The following YIPF4 variants were observed in gnomAD, a reference collection of about 807,000 sequenced individuals.
YIPF4 encodes the protein protein YIPF4.
Under a neutral mutation model 29.4 loss-of-function variants are expected in YIPF4, and 18 were observed. That is an observed-to-expected ratio of 0.61 (90% CI 0.42 to 0.91). The LOEUF (loss-of-function observed/expected upper bound fraction) is 0.91, where lower values mean the gene tolerates loss of function less well. Among genes scored for constraint, YIPF4 ranks in the 40% least tolerant of loss-of-function variants. The pLI is 0.00. For missense variants in YIPF4, 279 were observed against 282.7 expected (o/e 0.99, Z 0.09); for synonymous variants, 115 against 104.7 (o/e 1.10, Z -0.60).
rs1359854928 is a variant in YIPF4, at chr2:32,316,057, A to G, written c.*10431A>G. ...AAAAAAAAACCAAAAAAAAAAAAAA[A>G]GTATAAAGCACAGAAGCGAAAGGAA... On this transcript the variant is annotated 3_prime_UTR_variant, in exon 6 of 6. Coordinates refer to ENST00000238831, the MANE Select transcript of YIPF4 (RefSeq NM_032312.4). 6.6e-6 allele frequency: 1 copy of G among 151,008 alleles called. No individual in the cohort carries two copies. Among genetic ancestry groups the G allele is most frequent in the Non-Finnish European group, 1.5e-5 (1 of 67,778 alleles). 9.4% of individuals were successfully genotyped at this position (151,008 alleles called of 1,614,324 possible).
At chr2:32,301,298 G>C in intron 4 of YIPF4, 84 bp from the exon 5 acceptor site, 1 of 803,678 alleles carries the variant, frequency 1.2e-6, no homozygotes, top group South Asian at 1.6e-5. Context: ...TTTGAATACA[G>C]CAAGGAATAT....
intron 1 of YIPF4, among the ~76,000 whole-genome samples, chr2:32,281,628 C>T (rs1377014574): frequency 6.6e-6 from 1 of 152,058 alleles, no homozygotes; most frequent in African/African-American, 2.4e-5. Flanking sequence ...TGGTGGCTTA[C>T]ACCTGTAATC....
chr2:32,290,178 A>C (rs1039371698), intron 1 of YIPF4, among the ~76,000 whole-genome samples: 3 of 152,222 alleles, frequency 2.0e-5, no homozygotes, highest in Non-Finnish European at 4.4e-5. Context: ...TGTATTTTGC[A>C]TATATTTTCC....
chr2:32,307,992 A>T lies in YIPF4; in HGVS notation c.*2366A>T, dbSNP rs2148969292. 6.6e-6 allele frequency: 1 copy of T among 150,486 alleles called. No individual in the cohort carries two copies. The highest frequency in any genetic ancestry group is 2.4e-5 in the African/African-American group (1 of 41,018). The allele number at this position is 150,486 out of a possible 1,614,324, so 9.3% of individuals were successfully genotyped here. ...GATGTGTGCAAGACACAGTACTGCTATGGCTAATAATGGTAAGATGACCCT... is the reference window on the plus strand; with the variant it reads ...GATGTGTGCAAGACACAGTACTGCTTTGGCTAATAATGGTAAGATGACCCT... On this transcript the variant is annotated 3_prime_UTR_variant, in exon 6 of 6. Transcript: ENST00000238831.
At chr2:32,303,552 G>A (rs2031477736) in intron 5 of YIPF4, among the ~76,000 whole-genome samples, 2 of 152,170 alleles carry the variant, frequency 1.3e-5, no homozygotes, top group African/African-American at 4.8e-5. Flanking sequence ...GGGCATGGTG[G>A]CATGCACCTG....
At chr2:32,278,772 C>T (rs2148955498) in intron 1 of YIPF4, among the ~76,000 whole-genome samples, 1 of 152,178 alleles carries the variant, frequency 6.6e-6, no homozygotes, top group African/African-American at 2.4e-5. Context: ...TGTTTCACCT[C>T]AGTATTCAGA....
rs1217410396 is a variant in YIPF4 at position 32,316,470 on chromosome 2, A to G, written c.*10844A>G. 6.6e-6 allele frequency: 1 copy of G among 152,234 alleles called. No homozygotes were observed. The highest frequency in any genetic ancestry group is 2.1e-4 in the South Asian group (1 of 4,834). The allele number at this position is 152,234 out of a possible 1,614,324, so 9.4% of individuals were successfully genotyped here. ...TTGGTTGGGATTATAAGCAGATATG[A>G]TATTTCACTGATAGAGACCAGCATG... is the stretch of plus-strand genomic sequence containing the variant. On this transcript the variant is annotated 3_prime_UTR_variant, in exon 6 of 6. Coordinates refer to ENST00000238831, the MANE Select transcript of YIPF4 (RefSeq NM_032312.4).
At position 32,316,118 on chromosome 2, in the gene YIPF4, A is replaced by G. The variant is rs1374942592; in HGVS notation, c.*10492A>G. 1 of 152,068 alleles carries G rather than the reference A, an allele frequency of 6.6e-6. No individual in the cohort carries two copies. The highest frequency in any genetic ancestry group is 1.5e-5 in the Non-Finnish European group (1 of 68,000). The allele number at this position is 152,068 out of a possible 1,614,324, so 9.4% of individuals were successfully genotyped here. Reference sequence around the variant, plus strand: ...GACACTTGAAGACCTGTCATTTAAAATGATTCTACAGGAAAAAGATGAACT... The same window carrying G: ...GACACTTGAAGACCTGTCATTTAAAGTGATTCTACAGGAAAAAGATGAACT... On this transcript the variant is annotated 3_prime_UTR_variant, in exon 6 of 6. Coordinates refer to ENST00000238831, the MANE Select transcript of YIPF4 (RefSeq NM_032312.4).
At chr2:32,303,945 C>G (rs1358650417) in intron 5 of YIPF4, among the ~76,000 whole-genome samples, 1 of 152,018 alleles carries the variant, frequency 6.6e-6, no homozygotes, top group African/African-American at 2.4e-5. Context: ...GAGACTACTC[C>G]CAAAATGGTT....
At chr2:32,282,893 G>A (rs1314133491) in intron 1 of YIPF4, among the ~76,000 whole-genome samples, 1 of 151,948 alleles carries the variant, frequency 6.6e-6, no homozygotes, top group Non-Finnish European at 1.5e-5. Flanking sequence ...TGGCTAACAA[G>A]GTGAAACCCA....
At chr2:32,298,432 TC>T (rs1426916860) in intron 4 of YIPF4, 121 bp downstream of exon 4, 2 of 664,186 alleles carry the variant, frequency 3.0e-6, no homozygotes, top group Non-Finnish European at 5.1e-6. Flanking sequence ...TTATGCTAGT[TC>T]CTTTAAGATG....
In YIPF4 at chr2:32,306,683, C is replaced by A; in HGVS notation, c.*1057C>A. ...AAGGGAAATATTAAGAAATTTTTAT[C>A]AGTGAAATATTTGTTGCAAATAATT... On this transcript the variant is annotated 3_prime_UTR_variant, in exon 6 of 6. Coordinates refer to ENST00000238831, the MANE Select transcript of YIPF4 (RefSeq NM_032312.4). 2.5e-6 allele frequency: 2 copies of A among 815,704 alleles called. No individual in the cohort carries two copies. The highest frequency in any genetic ancestry group is 1.5e-6 in the Non-Finnish European group (1 of 675,210). The allele number at this position is 815,704 out of a possible 1,614,324, so 50.5% of individuals were successfully genotyped here. A position where few individuals can be genotyped will look rare whatever the true frequency, so the allele number is the denominator to read the frequency against.
intron 1 of YIPF4, among the ~76,000 whole-genome samples, chr2:32,286,124 T>C (rs2030659298): frequency 6.6e-6 from 1 of 152,224 alleles, no homozygotes; most frequent in South Asian, 2.1e-4. Context: ...CATAAGGCAT[T>C]ACACAAATCT....
chr2:32,306,725 A>G lies in YIPF4; in HGVS notation c.*1099A>G, dbSNP rs2031593423. The G allele has an allele frequency of 2.6e-6, 1 of 384,550 alleles. No homozygotes were observed. The highest frequency in any genetic ancestry group is 3.6e-6 in the Non-Finnish European group (1 of 280,974). The allele number at this position is 384,550 out of a possible 1,614,324, so 23.8% of individuals were successfully genotyped here. On this transcript the variant is annotated 3_prime_UTR_variant, in exon 6 of 6. Transcript: ENST00000238831. ...CAAATAATTTCATAGGTTTTTAGAT[A>G]CACCTGTAGTTAATATTACTTTGTA...
Position 32,290,703 on chromosome 2 carries a change from T to G in YIPF4, c.233+67T>G, listed in dbSNP as rs1191554825. 3 of 1,127,268 alleles carry G rather than the reference T, an allele frequency of 2.7e-6. No individual in the cohort carries two copies. The African/African-American group carries it at 4.9e-5, about 18-fold the overall frequency. The allele number at this position is 1,127,268 out of a possible 1,614,324, so 69.8% of individuals were successfully genotyped here. A position where few individuals can be genotyped will look rare whatever the true frequency, so the allele number is the denominator to read the frequency against. On this transcript the variant is annotated intron_variant, in intron 2 of 5. Coordinates refer to ENST00000238831, the MANE Select transcript of YIPF4 (RefSeq NM_032312.4). ...AGTCTGTGGGATGATTATATTCTTC[T>G]TGTTATTTAGAGAGAAAGCATTAAC...
At position 32,307,198 on chromosome 2, in the gene YIPF4, A is replaced by C. The variant is rs1481302062; in HGVS notation, c.*1572A>C. The C allele has an allele frequency of 6.6e-6, 8 of 1,206,098 alleles. No homozygotes were observed. Among genetic ancestry groups the C allele is most frequent in the Admixed American group, 3.1e-5 (1 of 32,718 alleles). The allele number at this position is 1,206,098 out of a possible 1,614,324, so 74.7% of individuals were successfully genotyped here. A position where few individuals can be genotyped will look rare whatever the true frequency, so the allele number is the denominator to read the frequency against. On this transcript the variant is annotated 3_prime_UTR_variant, in exon 6 of 6. Transcript: ENST00000238831. ...CCTACAGAAGCAGCAACCGTAAGATAAACATTTGTTACACTTAAGAAATTG... is the reference window on the plus strand; with the variant it reads ...CCTACAGAAGCAGCAACCGTAAGATCAACATTTGTTACACTTAAGAAATTG...
intron 1 of YIPF4, among the ~76,000 whole-genome samples, chr2:32,288,200 A>G (rs1207025896): frequency 1.3e-5 from 2 of 152,154 alleles, no homozygotes; most frequent in Non-Finnish European, 2.9e-5. Flanking sequence ...TGGCATTCCT[A>G]CATATGTCCT....
intron 1 of YIPF4, among the ~76,000 whole-genome samples, chr2:32,289,217 G>T (rs1407213813): frequency 1.3e-5 from 2 of 152,166 alleles, no homozygotes; most frequent in African/African-American, 2.4e-5. Context: ...AACCTGGAAA[G>T]AACTTTGAAT....
chr2:32,311,080 T>G lies in YIPF4; in HGVS notation c.*5454T>G, dbSNP rs2031707709. 1 of 151,040 alleles carries G rather than the reference T, an allele frequency of 6.6e-6. No homozygotes were observed. Among genetic ancestry groups the G allele is most frequent in the South Asian group, 2.1e-4 (1 of 4,760 alleles). 9.4% of individuals were successfully genotyped at this position (151,040 alleles called of 1,614,324 possible). A position where few individuals can be genotyped will look rare whatever the true frequency, so the allele number is the denominator to read the frequency against. On this transcript the variant is annotated 3_prime_UTR_variant, in exon 6 of 6. Coordinates refer to ENST00000238831, the MANE Select transcript of YIPF4 (RefSeq NM_032312.4). ...TTTTTGCACTACAATACATAAAAACTCCCATGCTGATCGGTTGTGGGATCG... is the reference window on the plus strand; with the variant it reads ...TTTTTGCACTACAATACATAAAAACGCCCATGCTGATCGGTTGTGGGATCG...
Sources: allele counts gnomAD v4.1 joint callset (sites outside exome capture counted in the v4.1 genomes callset), GRCh38; gene constraint gnomAD v4.1.1; transcripts MANE v1.5; gene names NCBI Gene and HGNC (gene_info 2026-07-23, HGNC 2026-07-21).